The following NTM variants were observed in gnomAD, a reference collection of about 807,000 sequenced individuals.
The protein encoded by NTM is IgLON family member 2.
In NTM, 13 loss-of-function variants were observed where a neutral mutation model predicts 42.1. The ratio of observed to expected loss-of-function variants is 0.31; its 90% CI spans 0.20 to 0.49. NTM has a LOEUF of 0.49. NTM is among the 20% of genes least tolerant of loss of function. The probability of loss-of-function intolerance (pLI) is 0.99; values close to 1 mark genes in which losing one functional copy is unlikely to be tolerated. For missense variants in NTM, 373 were observed against 452.8 expected (o/e 0.82, Z 1.60); for synonymous variants, 187 against 179.2 (o/e 1.04, Z -0.35).
intron 1 of NTM, among the ~76,000 whole-genome samples, chr11:131,510,946 G>A (rs1235848955): frequency 6.6e-6 from 1 of 152,240 alleles, no homozygotes; most frequent in East Asian, 1.9e-4. Context: ...AGCCATCTGT[G>A]TGGAAGGACA....
intron 1 of NTM, among the ~76,000 whole-genome samples, chr11:131,776,761 G>A (rs532654990): frequency 3.9e-5 from 6 of 152,058 alleles, no homozygotes; most frequent in Admixed American, 1.3e-4. Context: ...ATAGATTTCC[G>A]CCACATGGTG....
chr11:132,051,933 C>A (rs562697745), intron 2 of NTM, among the ~76,000 whole-genome samples: 1 of 152,098 alleles, frequency 6.6e-6, no homozygotes, highest in Non-Finnish European at 1.5e-5. Context: ...CCCAGACTGA[C>A]CAGTGAGCTC....
intron 3 of NTM, among the ~76,000 whole-genome samples, chr11:132,198,374 T>G (rs1026900744): frequency 6.6e-6 from 1 of 151,996 alleles, no homozygotes. Flanking sequence ...GTTTTAAAAA[T>G]TTTTTTGGAA....
At chr11:131,398,834 G>T (rs968520813) in intron 1 of NTM, among the ~76,000 whole-genome samples, 1 of 152,144 alleles carries the variant, frequency 6.6e-6, no homozygotes, top group Non-Finnish European at 1.5e-5. Context: ...GAGGTCTTTT[G>T]TCTCTTGGTT....
At chr11:132,115,597 G>T (rs1364045319) in intron 2 of NTM, among the ~76,000 whole-genome samples, 1 of 152,176 alleles carries the variant, frequency 6.6e-6, no homozygotes, top group Non-Finnish European at 1.5e-5. Flanking sequence ...TGTGGGAGGA[G>T]GCTCAGCCGT....
At chr11:132,157,761 C>T (rs1385151976) in intron 3 of NTM, among the ~76,000 whole-genome samples, 1 of 152,176 alleles carries the variant, frequency 6.6e-6, no homozygotes, top group African/African-American at 2.4e-5. Context: ...CCTGACCATC[C>T]TCTGACTCCA....
chr11:132,038,780 G>C (rs1229286159), intron 2 of NTM, among the ~76,000 whole-genome samples: 1 of 152,158 alleles, frequency 6.6e-6, no homozygotes, highest in Non-Finnish European at 1.5e-5. Context: ...AATCAGGCAA[G>C]TTGGGCCCCA....
intron 1 of NTM, chr11:131,794,741 G>T: frequency 1.0e-6 from 1 of 985,382 alleles, no homozygotes; most frequent in Non-Finnish European, 1.2e-6. Flanking sequence ...GCTTGTGTAG[G>T]ACTTAGAACA....
At chr11:132,168,628 T>C (rs1421629351) in intron 3 of NTM, among the ~76,000 whole-genome samples, 1 of 152,228 alleles carries the variant, frequency 6.6e-6, no homozygotes, top group African/African-American at 2.4e-5. Flanking sequence ...ATTTGCTTTA[T>C]TAAATATTGA....
At chr11:132,258,035 G>C (rs2092613698) in intron 4 of NTM, among the ~76,000 whole-genome samples, 1 of 152,210 alleles carries the variant, frequency 6.6e-6, no homozygotes. Flanking sequence ...GACAGCTGCT[G>C]GGGCATTTCT....
At chr11:131,565,688 A>G (rs922854429) in intron 1 of NTM, among the ~76,000 whole-genome samples, 14 of 152,338 alleles carry the variant, frequency 9.2e-5, no homozygotes, top group East Asian at 3.9e-4. Context: ...CATTTGAGCC[A>G]TTCTGCAGTT....
At chr11:131,816,394 C>T (rs1351060832) in intron 1 of NTM, among the ~76,000 whole-genome samples, 1 of 152,004 alleles carries the variant, frequency 6.6e-6, no homozygotes, top group Non-Finnish European at 1.5e-5. Flanking sequence ...TTTTAAAAGC[C>T]GTGGAAGAGG....
At chr11:132,331,203 T>A (rs970173741) in intron 8 of NTM, among the ~76,000 whole-genome samples, 11 of 152,222 alleles carry the variant, frequency 7.2e-5, no homozygotes, top group Admixed American at 6.5e-4. Context: ...CTTGGGAAAG[T>A]CACTTAAGCT....
chr11:131,933,011 A>G (rs2058804617), intron 2 of NTM, among the ~76,000 whole-genome samples: 1 of 152,238 alleles, frequency 6.6e-6, no homozygotes, highest in South Asian at 2.1e-4. Context: ...GCTGAGCGCC[A>G]CTAGATCAAG....
intron 3 of NTM, among the ~76,000 whole-genome samples, chr11:132,188,852 C>T (rs1182135481): frequency 2.6e-5 from 4 of 152,220 alleles, no homozygotes; most frequent in East Asian, 1.9e-4. Flanking sequence ...GGGCTGTCTC[C>T]ACTGACCCTG....
At chr11:131,559,232 A>G (rs183538441) in intron 1 of NTM, among the ~76,000 whole-genome samples, 141 of 152,330 alleles carry the variant, frequency 9.3e-4, no homozygotes, top group Non-Finnish European at 1.5e-3. Flanking sequence ...CATGTGCCCA[A>G]GGCCTGGTCT....
intron 1 of NTM, among the ~76,000 whole-genome samples, chr11:131,374,695 C>T (rs1298674955): frequency 6.6e-6 from 1 of 152,132 alleles, no homozygotes; most frequent in African/African-American, 2.4e-5. Flanking sequence ...GATAGTGGCT[C>T]CTTTTCTTGA....
intron 2 of NTM, among the ~76,000 whole-genome samples, chr11:131,939,746 G>C (rs2059605241): frequency 6.6e-6 from 1 of 152,206 alleles, no homozygotes; most frequent in African/African-American, 2.4e-5. Flanking sequence ...CAACAGGACA[G>C]TTGAGAGCAT....
At chr11:131,686,444 T>A (rs1375266003) in intron 1 of NTM, among the ~76,000 whole-genome samples, 2 of 152,218 alleles carry the variant, frequency 1.3e-5, no homozygotes, top group South Asian at 4.1e-4. Context: ...ATGTATTTAC[T>A]ATTAATCAAA....
Sources: allele counts gnomAD v4.1 joint callset (sites outside exome capture counted in the v4.1 genomes callset), GRCh38; gene constraint gnomAD v4.1.1; transcripts MANE v1.5; gene names NCBI Gene and HGNC (gene_info 2026-07-23, HGNC 2026-07-21).